The following ERG variants were observed in gnomAD, a reference collection of about 807,000 sequenced individuals.
ERG encodes ETS transcription factor ERG.
ERG carries 9 observed loss-of-function variants against 55.3 expected under a neutral mutation model. The ratio of observed to expected loss-of-function variants is 0.16; its 90% CI spans 0.10 to 0.28. ERG has a LOEUF of 0.28. ERG is among the 10% of genes least tolerant of loss of function. ERG has a pLI of 1.00. For missense variants in ERG, 434 were observed against 631.6 expected, an observed-to-expected ratio of 0.69 and a Z score of 3.35; for synonymous variants, 223 against 237.3, an observed-to-expected ratio of 0.94 and a Z score of 0.55.
In ERG at chr21:38,382,207, C is replaced by A; in HGVS notation, c.*1196G>T. 9.5e-7 allele frequency: 1 copy of A among 1,048,056 alleles called. No homozygotes were observed. The highest frequency in any genetic ancestry group is 1.2e-6 in the Non-Finnish European group (1 of 867,840). 64.9% of individuals were successfully genotyped at this position (1,048,056 alleles called of 1,614,324 possible). ...GAGATCAACTCGTAGTGTATAAATG[C>A]ATAAGTTATATAATTATTATATAAA... On this transcript the variant is annotated 3_prime_UTR_variant, in exon 10 of 10. Coordinates refer to ENST00000288319, the MANE Select transcript of ERG (RefSeq NM_182918.4).
chr21:38,633,218 C>T, intron 1 of ERG, among the ~76,000 whole-genome samples: 1 of 152,118 alleles, frequency 6.6e-6, no homozygotes, highest in East Asian at 1.9e-4. Context: ...TTACCACAGG[C>T]TGGAGAAAGT....
At chr21:38,455,341 T>G (rs1172678823) in intron 1 of ERG, among the ~76,000 whole-genome samples, 1 of 152,114 alleles carries the variant, frequency 6.6e-6, no homozygotes, top group African/African-American at 2.4e-5. Context: ...TTTTTGAAAC[T>G]TACAAGCCCA....
chr21:38,575,200 G>T (rs1429060845), intron 2 of ERG, among the ~76,000 whole-genome samples: 1 of 152,260 alleles, frequency 6.6e-6, no homozygotes, highest in Non-Finnish European at 1.5e-5. Flanking sequence ...TCACCTACTT[G>T]TCTCCTGCTC....
chr21:38,392,517 G>T, intron 6 of ERG, 73 bp from the exon 7 acceptor site: 1 of 1,063,194 alleles, frequency 9.4e-7, no homozygotes, highest in East Asian at 2.8e-5. Flanking sequence ...TTTTTTATTT[G>T]ATTTTGTATT....
intron 2 of ERG, among the ~76,000 whole-genome samples, chr21:38,521,477 G>A (rs2059594117): frequency 6.6e-6 from 1 of 152,016 alleles, no homozygotes; most frequent in Admixed American, 6.6e-5. Flanking sequence ...GGTTACTCTA[G>A]GACAAAAGAA....
At chr21:38,653,930 C>G (rs2060502956) in intron 1 of ERG, among the ~76,000 whole-genome samples, 1 of 152,192 alleles carries the variant, frequency 6.6e-6, no homozygotes, top group South Asian at 2.1e-4. Context: ...TATATTGATG[C>G]TAAATGCATT....
At chr21:38,458,118 C>G (rs567108697) in intron 1 of ERG, among the ~76,000 whole-genome samples, 1 of 152,292 alleles carries the variant, frequency 6.6e-6, no homozygotes, top group East Asian at 1.9e-4. Context: ...GCACTGAGCT[C>G]CCTGGGCCCT....
intron 2 of ERG, among the ~76,000 whole-genome samples, chr21:38,513,443 A>C (rs2059529556): frequency 1.3e-5 from 2 of 152,212 alleles, no homozygotes; most frequent in African/African-American, 4.8e-5. Context: ...TATGCTGAGA[A>C]GTATATCAGT....
chr21:38,372,064 G>A, the ERG span, among the ~76,000 whole-genome samples: 6 of 151,944 alleles, frequency 3.9e-5, no homozygotes, highest in South Asian at 2.1e-4. Context: ...TCTTGTGTCA[G>A]TTTTGCTAGG....
At chr21:38,490,069 AT>A (rs1206727590) in intron 1 of ERG, among the ~76,000 whole-genome samples, 1 of 152,226 alleles carries the variant, frequency 6.6e-6, no homozygotes, top group Non-Finnish European at 1.5e-5. Flanking sequence ...ACCAGCAAGC[AT>A]TTCCCAGCCC....
intron 2 of ERG, among the ~76,000 whole-genome samples, chr21:38,443,025 T>A (rs1159574066): frequency 6.6e-6 from 1 of 152,194 alleles, no homozygotes; most frequent in African/African-American, 2.4e-5. Context: ...GCCAGGATGG[T>A]CTCGATCTCT....
In ERG at chr21:38,427,185, C is replaced by G. The variant is rs549015707; in HGVS notation, c.237-3624G>C. Among the ~76,000 whole-genome samples, 106 of 152,236 alleles carry G rather than the reference C, an allele frequency of 7.0e-4. 1 individual carries two copies. Among genetic ancestry groups the G allele is most frequent in the African/African-American group, 2.5e-3 (102 of 41,560 alleles). On this transcript the variant is annotated intron_variant, in intron 2 of 9. Coordinates refer to ENST00000288319, the MANE Select transcript of ERG (RefSeq NM_182918.4). Reference sequence around the variant, plus strand: ...ATCACTTGAGGCTAAGTGTTCGAGACCAGCCTGGCCTCCCAAGTAGCTGGC... The same window carrying G: ...ATCACTTGAGGCTAAGTGTTCGAGAGCAGCCTGGCCTCCCAAGTAGCTGGC...
intron 2 of ERG, among the ~76,000 whole-genome samples, chr21:38,563,924 G>A (rs1437294816): frequency 5.3e-5 from 8 of 152,224 alleles, no homozygotes; most frequent in African/African-American, 9.6e-5. Flanking sequence ...CAATTCACTC[G>A]CGAGTAAGGT....
intron 1 of ERG, among the ~76,000 whole-genome samples, chr21:38,659,104 T>A (rs1411366858): frequency 6.6e-6 from 1 of 152,170 alleles, no homozygotes; most frequent in Admixed American, 6.5e-5. Flanking sequence ...TTAACAAATA[T>A]CTTGAGACGG....
chr21:38,525,405 C>T (rs538818140), intron 2 of ERG, among the ~76,000 whole-genome samples: 19 of 152,310 alleles, frequency 1.2e-4, no homozygotes, highest in African/African-American at 4.6e-4. Context: ...CAAGCTTTAA[C>T]CCTCTTCTGG....
intron 1 of ERG, among the ~76,000 whole-genome samples, chr21:38,580,072 G>A (rs1028208216): frequency 2.0e-4 from 31 of 152,022 alleles, no homozygotes; most frequent in South Asian, 1.0e-3. Flanking sequence ...CACCCGCCTC[G>A]GCCTCCCAAA....
intron 1 of ERG, among the ~76,000 whole-genome samples, chr21:38,474,935 G>A (rs576897144): frequency 5.9e-5 from 9 of 152,210 alleles, no homozygotes; most frequent in East Asian, 1.9e-4. Flanking sequence ...ACAGCGTGGC[G>A]GCTCTAAAAG....
intron 2 of ERG, among the ~76,000 whole-genome samples, chr21:38,516,541 A>T (rs1435689893): frequency 6.6e-6 from 1 of 151,946 alleles, no homozygotes; most frequent in Non-Finnish European, 1.5e-5. Flanking sequence ...CACACCACCC[A>T]AATAAATCTA....
chr21:38,538,738 G>A (rs1237571325), intron 2 of ERG, among the ~76,000 whole-genome samples: 1 of 151,936 alleles, frequency 6.6e-6, no homozygotes, highest in African/African-American at 2.4e-5. Flanking sequence ...CAGAAGACAT[G>A]TGGGCTTGTG....
Sources: gnomAD v4.1 joint callset for allele counts (sites outside exome capture counted in the v4.1 genomes callset) on GRCh38, gnomAD v4.1.1 for gene constraint, MANE v1.5 for transcripts, NCBI Gene and HGNC (gene_info 2026-07-23, HGNC 2026-07-21) for gene names.